KISS1R: variants seen among roughly 807,000 people sequenced by gnomAD.
The protein encoded by KISS1R is kiSS-1 receptor.
Under a neutral mutation model 22.0 loss-of-function variants are expected in KISS1R, and 19 were observed. The observed-to-expected ratio is 0.86, with a 90% CI of 0.60 to 1.26. KISS1R has a LOEUF of 1.26. Ranked by LOEUF, KISS1R falls within the 50% of genes most tolerant of loss-of-function variation. The pLI is 0.00. For synonymous variants in KISS1R, 302 were observed against 283.9 expected, an observed-to-expected ratio of 1.06 and a Z score of -0.64; for missense variants, 653 against 581.9, an observed-to-expected ratio of 1.12 and a Z score of -1.26.
Position 920,788 on chromosome 19 carries a change from G to C in KISS1R, c.*40G>C, listed in dbSNP as rs1371119863. ...AATCCGAGCGGCTCCCTCGGGAGCG[G>C]GGACTGCTGGAACAGCGGCTATTCT... On this transcript the variant is annotated 3_prime_UTR_variant, in exon 5 of 5. Transcript: ENST00000234371. 1.6e-6 allele frequency: 2 copies of C among 1,250,362 alleles called. No individual in the cohort carries two copies. The highest frequency in any genetic ancestry group is 2.0e-6 in the Non-Finnish European group (2 of 998,382). The allele number at this position is 1,250,362 out of a possible 1,614,324, so 77.5% of individuals were successfully genotyped here.
chr19:918,812 G>A, intron 2 of KISS1R, 144 bp downstream of exon 2: 1 of 511,194 alleles, frequency 2.0e-6, no homozygotes, highest in Non-Finnish European at 3.5e-6. Flanking sequence ...TGGGGACGGG[G>A]AGGGGGGGTG....
At chr19:918,789 A>T in intron 2 of KISS1R, 121 bp downstream of exon 2, 1 of 52,884 alleles carries the variant, frequency 1.9e-5, no homozygotes, top group Non-Finnish European at 3.1e-5. Context: ...GTGGGAGGGG[A>T]GGGGATCGTA....
chr19:917,469 G>C lies in KISS1R; in HGVS notation c.-34G>C. The C allele has an allele frequency of 4.9e-6, 7 of 1,432,952 alleles. No homozygotes were observed. The highest frequency in any genetic ancestry group is 6.4e-6 in the Non-Finnish European group (7 of 1,098,526). 88.8% of individuals were successfully genotyped at this position (1,432,952 alleles called of 1,614,324 possible). ...CGGGGCGGTGCCAGGGCGCAATCCT[G>C]GAGGGCGGCCGGGAGGAGGAGGTGC... On this transcript the variant is annotated 5_prime_UTR_variant, in exon 1 of 5. Transcript: ENST00000234371.
In KISS1R at chr19:920,612, C is replaced by A. The variant is rs961267673; in HGVS notation, c.1061C>A (p.Ser354Ter). The change falls in exon 5 of 5, where the codon TCG becomes TAG. Residue 354 changes from serine (S) to a stop codon, truncating the protein, a stop_gained. Transcript: ENST00000234371. LOFTEE classifies it low-confidence loss of function (END_TRUNC). ...RPRRPRRPGP[S>*]DPAAPHAELL... ...CGCCGCCCCCGCCGGCCCGGACCCTCGGACCCCGCAGCCCCACACGCGGAG... is the reference window on the plus strand; with the variant it reads ...CGCCGCCCCCGCCGGCCCGGACCCTAGGACCCCGCAGCCCCACACGCGGAG... 7 of 1,394,182 alleles carry A rather than the reference C, an allele frequency of 5.0e-6. No homozygotes were observed. Among genetic ancestry groups the A allele is most frequent in the Non-Finnish European group, 6.5e-6 (7 of 1,084,316 alleles). The allele number at this position is 1,394,182 out of a possible 1,614,324, so 86.4% of individuals were successfully genotyped here. A position where few individuals can be genotyped will look rare whatever the true frequency, so the allele number is the denominator to read the frequency against.
rs540538484 is a variant in KISS1R, at chr19:917,735, A to G, written c.233A>G (p.Asn78Ser). 1.1e-5 allele frequency: 18 copies of G among 1,606,524 alleles called. No individual in the cohort carries two copies. Among genetic ancestry groups the G allele is most frequent in the South Asian group, 3.3e-5 (3 of 90,406 alleles). The change falls in exon 1 of 5, where the codon AAC (asparagine) becomes AGC (serine). Residue 78 changes from asparagine to serine, a missense_variant. Transcript: ENST00000234371. The stretch of plus-strand genomic sequence containing the variant: ...CACAAGCCGATGCGGACCGTGACCA[A>G]CTTCTACATCGGTGAGTGCGGGCGC... ...CRHKPMRTVT[N>S]FYIANLAATD...
chr19:919,442 G>A (rs1326808354), intron 2 of KISS1R, 48 bp from the exon 3 acceptor site: 2 of 1,536,574 alleles, frequency 1.3e-6, no homozygotes, highest in Non-Finnish European at 1.7e-6. Context: ...GACAGGGCAG[G>A]CTCCCAACCG....
chr19:919,742 T>C (rs2037098353), intron 3 of KISS1R, 117 bp downstream of exon 3: 5 of 1,506,338 alleles, frequency 3.3e-6, no homozygotes, highest in Non-Finnish European at 4.5e-6. Context: ...TAGCTCTGCC[T>C]GCCTAGGGCC....
rs1378066110 is a variant in KISS1R at position 920,036 on chromosome 19, G to T, written c.668G>T (p.Cys223Phe). The change falls in exon 4 of 5, where the codon TGC (cysteine) becomes TTC (phenylalanine). Residue 223 changes from cysteine (C) to phenylalanine (F), a missense_variant. By Grantham distance (205) the Cys-to-Phe change is radical. Coordinates refer to ENST00000234371, the MANE Select transcript of KISS1R (RefSeq NM_032551.5). The part of the protein sequence containing the change: ...YLLPLLATCA[C>F]YAAMLRHLGR... ...CTGCCGCTGCTCGCCACCTGCGCCT[G>T]CTATGCGGCCATGCTGCGCCACCTG... The T allele has an allele frequency of 3.9e-6, 6 of 1,538,858 alleles. No individual in the cohort carries two copies. Among genetic ancestry groups the T allele is most frequent in the Non-Finnish European group, 5.2e-6 (6 of 1,146,164 alleles).
intron 3 of KISS1R, 120 bp from the exon 4 acceptor site, chr19:919,754 G>C: frequency 6.7e-7 from 1 of 1,500,798 alleles, no homozygotes; most frequent in South Asian, 1.2e-5. Context: ...CCTAGGGCCA[G>C]CGAGGCTGCA....
chr19:919,976 C>A lies in KISS1R; in HGVS notation c.608C>A (p.Ala203Asp), dbSNP rs767972292. 17 of 1,568,504 alleles carry A rather than the reference C, an allele frequency of 1.1e-5. No homozygotes were observed. The highest frequency in any genetic ancestry group is 1.4e-5 in the African/African-American group (1 of 73,698). Reference sequence around the variant, plus strand: ...TTCCCCAGCCGCGCCCTGGAGCGCGCCTTCGCACTGTACAACCTGCTGGCG... The same window carrying A: ...TTCCCCAGCCGCGCCCTGGAGCGCGACTTCGCACTGTACAACCTGCTGGCG... The part of the protein sequence containing the change: ...EAFPSRALER[A>D]FALYNLLALY... The change falls in exon 4 of 5, where the codon GCC (alanine) becomes GAC (aspartate). Residue 203 changes from alanine (A) to aspartate (D), a missense_variant. Coordinates refer to ENST00000234371, the MANE Select transcript of KISS1R (RefSeq NM_032551.5).
In KISS1R at chr19:917,380, C is replaced by T. The variant is rs3810423; in HGVS notation, c.-123C>T. 0.01 allele frequency: 12,089 copies of T among 1,201,018 alleles called. 536 individuals are homozygous for T. The African/African-American group carries it at 0.12, about 12-fold the overall frequency. The allele number at this position is 1,201,018 out of a possible 1,614,324, so 74.4% of individuals were successfully genotyped here. ...CAGCTGCCCTCTGGACCCTGCGGAC[C>T]CCAGCCGAGCCCCTTCCTGAGTTCC... On this transcript the variant is annotated 5_prime_UTR_variant, in exon 1 of 5. Transcript: ENST00000234371.
chr19:917,873 C>T (rs1174284628), intron 1 of KISS1R, 127 bp downstream of exon 1: 2 of 1,174,374 alleles, frequency 1.7e-6, no homozygotes, highest in Non-Finnish European at 2.3e-6. Context: ...CAGGGGTCCC[C>T]CCCAACCTCG....
Position 918,419 on chromosome 19 carries a change from G to T in KISS1R, c.245-125G>T, listed in dbSNP as rs1011456813. ...GCCAGGGGCGCTGGGGGAGGGGGGG[G>T]CCTCCCTGAGCCATCCTGCTGGTCA... On this transcript the variant is annotated intron_variant, in intron 1 of 4. Coordinates refer to ENST00000234371, the MANE Select transcript of KISS1R (RefSeq NM_032551.5). 8.6e-5 allele frequency: 95 copies of T among 1,103,446 alleles called. No individual in the cohort carries two copies. In the African/African-American group the frequency reaches 1.4e-3, roughly 16 times the overall value. The allele number at this position is 1,103,446 out of a possible 1,614,324, so 68.4% of individuals were successfully genotyped here. A position where few individuals can be genotyped will look rare whatever the true frequency, so the allele number is the denominator to read the frequency against.
At position 920,354 on chromosome 19, in the gene KISS1R, T is replaced by A. The variant is rs1343670176; in HGVS notation, c.803T>A (p.Val268Glu). 1 of 1,565,514 alleles carries A rather than the reference T, an allele frequency of 6.4e-7. No homozygotes were observed. Among genetic ancestry groups the A allele is most frequent in the African/African-American group, 1.4e-5 (1 of 73,428 alleles). The change falls in exon 5 of 5, where the codon GTG becomes GAG. Residue 268 changes from valine (V) to glutamate (E), a missense_variant. By Grantham distance (121) the Val-to-Glu change is moderately radical. Coordinates refer to ENST00000234371, the MANE Select transcript of KISS1R (RefSeq NM_032551.5). ...AAGGTCTCGCGGCTGGTGGCGGCCG[T>A]GGTCCTGCTCTTCGCCGCCTGCTGG... ...RAKVSRLVAA[V>E]VLLFAACWGP... is the part of the protein sequence containing the mutation.
intron 4 of KISS1R, 67 bp downstream of exon 4, chr19:920,173 G>C (rs2037104412): frequency 1.2e-5 from 18 of 1,480,978 alleles, no homozygotes; most frequent in Admixed American, 6.9e-5. Context: ...GGGAGGCGCC[G>C]GTGGGGGCAT....
chr19:917,935 C>T (rs974636855), intron 1 of KISS1R, among the ~76,000 whole-genome samples, 189 bp downstream of exon 1: 24 of 152,224 alleles, frequency 1.6e-4, no homozygotes, highest in African/African-American at 5.8e-4. Context: ...CAAACTCCAG[C>T]GCGGGCGGGC....
rs966786206 is a variant in KISS1R, at chr19:919,946, A to G, written c.578A>G (p.Glu193Gly). 11 of 1,570,168 alleles carry G rather than the reference A, an allele frequency of 7.0e-6. No homozygotes were observed. In the African/African-American group the frequency reaches 1.5e-4, roughly 21 times the overall value. Residue 193 changes from glutamate (E) to glycine (G), a missense_variant, in exon 4 of 5, where the codon GAG becomes GGG. Coordinates refer to ENST00000234371, the MANE Select transcript of KISS1R (RefSeq NM_032551.5). Reference sequence around the variant, plus strand: ...CCCGGGCCGCGCGCCTACTGCAGTGAGGCCTTCCCCAGCCGCGCCCTGGAG... The same window carrying G: ...CCCGGGCCGCGCGCCTACTGCAGTGGGGCCTTCCCCAGCCGCGCCCTGGAG... ...LSPGPRAYCS[E>G]AFPSRALERA... is the part of the protein sequence containing the mutation.
At position 920,597 on chromosome 19, in the gene KISS1R, G is replaced by A. The variant is rs1008480594; in HGVS notation, c.1046G>A (p.Arg349His). 2.1e-6 allele frequency: 3 copies of A among 1,454,436 alleles called. No homozygotes were observed. The African/African-American group carries it at 4.4e-5, about 21-fold the overall frequency. 90.1% of individuals were successfully genotyped at this position (1,454,436 alleles called of 1,614,324 possible). Reference sequence around the variant, plus strand: ...GCGCCGCGCCGCCCCCGCCGCCCCCGCCGGCCCGGACCCTCGGACCCCGCA... The same window carrying A: ...GCGCCGCGCCGCCCCCGCCGCCCCCACCGGCCCGGACCCTCGGACCCCGCA... ...PCAPRRPRRP[R>H]RPGPSDPAAP... is the part of the protein sequence containing the mutation. Residue 349 changes from arginine (R) to histidine (H), a missense_variant, in exon 5 of 5, where the codon CGC becomes CAC. Physicochemically the swap from Arg to His is conservative, Grantham distance 29 (BLOSUM62 0). Transcript: ENST00000234371.
Position 920,604 on chromosome 19 carries a change from C to G in KISS1R, c.1053C>G (p.Pro351=). ...APRRPRRPRR[P]GPSDPAAPHA... ...GCCGCCCCCGCCGCCCCCGCCGGCC[C>G]GGACCCTCGGACCCCGCAGCCCCAC... is the stretch of plus-strand genomic sequence containing the variant. The change falls in exon 5 of 5, where the codon CCC becomes CCG. Residue 351 remains proline (P), a synonymous_variant. Transcript: ENST00000234371. 7.2e-7 allele frequency: 1 copy of G among 1,397,284 alleles called. No individual in the cohort carries two copies. The highest frequency in any genetic ancestry group is 9.2e-7 in the Non-Finnish European group (1 of 1,086,326). The allele number at this position is 1,397,284 out of a possible 1,614,324, so 86.6% of individuals were successfully genotyped here.
Sources: gnomAD v4.1 joint callset for allele counts (sites outside exome capture counted in the v4.1 genomes callset) on GRCh38, gnomAD v4.1.1 for gene constraint, MANE v1.5 for transcripts, NCBI Gene and HGNC (gene_info 2026-07-23, HGNC 2026-07-21) for gene names.